NRG1: variants seen among roughly 807,000 people sequenced by gnomAD.
NRG1 encodes pro-neuregulin-1, membrane-bound isoform.
Under a neutral mutation model 63.8 loss-of-function variants are expected in NRG1, and 18 were observed. The observed-to-expected ratio is 0.28, with a 90% CI of 0.19 to 0.42. NRG1 has a LOEUF of 0.42. NRG1 is among the 10% of genes least tolerant of loss of function. The pLI, the probability that NRG1 is intolerant of heterozygous loss-of-function variation, is 1.00. For synonymous variants in NRG1, 302 were observed against 301.3 expected, an observed-to-expected ratio of 1.00 and a Z score of -0.02; for missense variants, 762 against 814.7, an observed-to-expected ratio of 0.94 and a Z score of 0.79.
At chr8:32,763,997 G>A (rs746445984) in exon 12 of NRG1, 101 of 1,613,876 alleles carry the variant, frequency 6.3e-5, no homozygotes, top group Admixed American at 1.5e-4. Flanking sequence ...ACAACCCCGC[G>A]CATGACAGTA....
At chr8:32,090,929 T>C (rs1829035542) in intron 1 of NRG1, among the ~76,000 whole-genome samples, 1 of 152,184 alleles carries the variant, frequency 6.6e-6, no homozygotes, top group South Asian at 2.1e-4. Flanking sequence ...TTTCACCAAG[T>C]AATTCCATTT....
At chr8:32,126,872 TGTA>T (rs1377950010) in intron 1 of NRG1, among the ~76,000 whole-genome samples, 1 of 151,822 alleles carries the variant, frequency 6.6e-6, no homozygotes, top group Non-Finnish European at 1.5e-5. Context: ...AACAAACAGC[TGTA>T]GAAGAGCTTC....
chr8:32,597,402 C>T (rs538403547), intron 2 of NRG1, among the ~76,000 whole-genome samples: 2 of 152,050 alleles, frequency 1.3e-5, no homozygotes, highest in East Asian at 1.9e-4. Flanking sequence ...ATTAACTACA[C>T]GTTGACTCTA....
At chr8:32,152,357 A>G (rs1837597468) in intron 1 of NRG1, among the ~76,000 whole-genome samples, 1 of 152,212 alleles carries the variant, frequency 6.6e-6, no homozygotes, top group South Asian at 2.1e-4. Context: ...TATACATCAT[A>G]TTTGAAAAAG....
intron 11 of NRG1, chr8:32,760,796 ACT>A (rs1467477262): frequency 3.0e-6 from 3 of 1,013,186 alleles, no homozygotes; most frequent in Non-Finnish European, 3.5e-6. Flanking sequence ...AGTTATCCAA[ACT>A]CTGATTCGGT....
intron 1 of NRG1, among the ~76,000 whole-genome samples, chr8:32,395,846 G>A (rs1293879150): frequency 1.3e-5 from 2 of 151,840 alleles, no homozygotes; most frequent in Non-Finnish European, 1.5e-5. Context: ...TTTTTTCTAG[G>A]CATGTTATGG....
intron 1 of NRG1, among the ~76,000 whole-genome samples, chr8:32,060,343 G>A (rs1200723706): frequency 6.6e-6 from 1 of 151,742 alleles, no homozygotes; most frequent in African/African-American, 2.4e-5. Context: ...TGTGGGAATA[G>A]AGGAAACAGA....
intron 1 of NRG1, among the ~76,000 whole-genome samples, chr8:31,926,764 T>C (rs776390): frequency 6.6e-6 from 1 of 152,000 alleles, no homozygotes; most frequent in East Asian, 2.0e-4. Context: ...TTAGAAAAGC[T>C]TAGACTCTGG....
At chr8:32,510,416 GA>G (rs1829039327) in intron 1 of NRG1, among the ~76,000 whole-genome samples, 1 of 151,666 alleles carries the variant, frequency 6.6e-6, no homozygotes, top group Admixed American at 6.6e-5. Flanking sequence ...GTAGAATAAA[GA>G]AAAAAGGAAA....
Position 32,548,974 on chromosome 8 carries a change from G to T in NRG1, c.100+148G>T, listed in dbSNP as rs1833550476. 6.0e-6 allele frequency: 7 copies of T among 1,166,086 alleles called. No homozygotes were observed. In the East Asian group the frequency reaches 1.9e-4, roughly 32 times the overall value. 72.2% of individuals were successfully genotyped at this position (1,166,086 alleles called of 1,614,324 possible). A position where few individuals can be genotyped will look rare whatever the true frequency, so the allele number is the denominator to read the frequency against. On this transcript the variant is annotated intron_variant, in intron 1 of 11. Coordinates refer to ENST00000356819, the Ensembl canonical transcript of NRG1. Reference sequence around the variant, plus strand: ...CTGAGCGCCCGTTGAGTCGCGCGGTGCTTCCCCTCCTGGGGGCCGCCGCTC... The same window carrying T: ...CTGAGCGCCCGTTGAGTCGCGCGGTTCTTCCCCTCCTGGGGGCCGCCGCTC...
chr8:31,740,132 C>A (rs1331716493), intron 1 of NRG1, among the ~76,000 whole-genome samples: 3 of 151,832 alleles, frequency 2.0e-5, no homozygotes, highest in African/African-American at 7.3e-5. Flanking sequence ...TCTCTCTATT[C>A]TTTTTTTATA....
At chr8:32,264,264 CCTT>C (rs1158240589) in intron 1 of NRG1, among the ~76,000 whole-genome samples, 1 of 152,046 alleles carries the variant, frequency 6.6e-6, no homozygotes, top group South Asian at 2.1e-4. Flanking sequence ...GTCTGTCAAT[CCTT>C]CTTGATTTAA....
intron 1 of NRG1, among the ~76,000 whole-genome samples, chr8:31,922,415 C>T (rs1201879919): frequency 2.0e-5 from 3 of 152,058 alleles, no homozygotes; most frequent in Non-Finnish European, 2.9e-5. Context: ...AATAAATCAG[C>T]CCTCATTTGA....
chr8:32,568,993 T>G (rs1838007904), intron 1 of NRG1, among the ~76,000 whole-genome samples: 1 of 151,688 alleles, frequency 6.6e-6, no homozygotes, highest in South Asian at 2.1e-4. Context: ...CAGACTACCC[T>G]GTGGAAGTAG....
chr8:31,800,834 T>C (rs1332015970), intron 1 of NRG1, among the ~76,000 whole-genome samples: 2 of 127,128 alleles, frequency 1.6e-5, no homozygotes, highest in Admixed American at 8.1e-5. Flanking sequence ...TCCAGTCTCC[T>C]TTCTTTTTTT....
intron 1 of NRG1, among the ~76,000 whole-genome samples, chr8:31,703,412 ATAAAT>A (rs1810822859): frequency 6.6e-6 from 1 of 152,110 alleles, no homozygotes; most frequent in Non-Finnish European, 1.5e-5. Context: ...AATTTAGCAT[ATAAAT>A]TAAAGCTCAC....
In NRG1 at chr8:32,754,332, G is replaced by A. The variant is rs376791094; in HGVS notation, c.692-40G>A. The A allele has an allele frequency of 3.2e-6, 5 of 1,585,346 alleles. No homozygotes were observed. In the African/African-American group the frequency reaches 5.4e-5, roughly 17 times the overall value. On this transcript the variant is annotated intron_variant, in intron 7 of 11. Transcript: ENST00000356819. The stretch of plus-strand genomic sequence containing the variant: ...TGGTTGTAGTCAGTCCTGGCAAGTG[G>A]AAGTGACCTGTGATGACATCTGCTC...
intron 1 of NRG1, among the ~76,000 whole-genome samples, chr8:32,471,915 ATG>A (rs2129490681): frequency 1.3e-5 from 2 of 152,334 alleles, no homozygotes; most frequent in African/African-American, 4.8e-5. Context: ...AGAAATGAGA[ATG>A]AGGAAAATTG....
intron 1 of NRG1, among the ~76,000 whole-genome samples, chr8:31,933,502 G>A (rs529631489): frequency 7.2e-5 from 11 of 152,060 alleles, no homozygotes; most frequent in Admixed American, 5.2e-4. Flanking sequence ...GGCTGGTCTC[G>A]AACCCCTGAC....
Sources: gnomAD v4.1 joint callset for allele counts (sites outside exome capture counted in the v4.1 genomes callset) on GRCh38, gnomAD v4.1.1 for gene constraint, MANE v1.5 for transcripts, NCBI Gene and HGNC (gene_info 2026-07-23, HGNC 2026-07-21) for gene names.